Variants in EYS observed in about 807,000 individuals in gnomAD.
EYS encodes protein eyes shut homolog.
In EYS, 250 loss-of-function variants were observed where a neutral mutation model predicts 282.1. That is an observed-to-expected ratio of 0.89 (90% CI 0.80 to 0.98). The LOEUF (loss-of-function observed/expected upper bound fraction) is 0.98, where lower values mean the gene tolerates loss of function less well. EYS is among the 50% of genes least tolerant of loss of function. The pLI is 0.00. For synonymous variants in EYS, 1,355 were observed against 1,282.9 expected, an observed-to-expected ratio of 1.06 and a Z score of -1.20; for missense variants, 4,016 against 3,709.0, an observed-to-expected ratio of 1.08 and a Z score of -2.15.
intron 22 of EYS, among the ~76,000 whole-genome samples, chr6:64,715,092 G>A (rs1771343122): frequency 6.6e-6 from 1 of 151,984 alleles, no homozygotes; most frequent in Non-Finnish European, 1.5e-5. Flanking sequence ...TGGACTGGGG[G>A]TGAGATATGG....
chr6:65,552,684 A>C (rs962107673), intron 2 of EYS, among the ~76,000 whole-genome samples: 4 of 152,142 alleles, frequency 2.6e-5, no homozygotes, highest in African/African-American at 4.8e-5. Context: ...CAAATGGATA[A>C]GATGTTTATG....
At chr6:63,739,765 C>G (rs958729723) in intron 41 of EYS, among the ~76,000 whole-genome samples, 2 of 152,026 alleles carry the variant, frequency 1.3e-5, no homozygotes, top group African/African-American at 4.8e-5. Flanking sequence ...GTGATCTTGG[C>G]TCACTGCAAC....
intron 19 of EYS, among the ~76,000 whole-genome samples, chr6:64,868,162 A>G (rs1766482915): frequency 6.6e-6 from 1 of 151,426 alleles, no homozygotes; most frequent in Admixed American, 6.6e-5. Flanking sequence ...AATCACTTCA[A>G]GTCTTCTGAT....
chr6:64,236,167 G>T (rs1325488594), intron 30 of EYS, among the ~76,000 whole-genome samples: 1 of 152,126 alleles, frequency 6.6e-6, no homozygotes, highest in African/African-American at 2.4e-5. Flanking sequence ...TAGAGACGGG[G>T]TTTCACCATG....
chr6:64,171,734 T>G (rs538968172), intron 31 of EYS, among the ~76,000 whole-genome samples: 2 of 152,192 alleles, frequency 1.3e-5, no homozygotes, highest in South Asian at 4.1e-4. Flanking sequence ...TAAAAAAAAG[T>G]TTTAGATGGG....
intron 31 of EYS, among the ~76,000 whole-genome samples, chr6:64,144,703 A>G (rs1361792146): frequency 6.6e-6 from 1 of 152,150 alleles, no homozygotes; most frequent in Non-Finnish European, 1.5e-5. Flanking sequence ...CTGGGTCCTC[A>G]CACTACAGCC....
At chr6:64,040,256 G>A (rs1333117113) in intron 33 of EYS, among the ~76,000 whole-genome samples, 1 of 152,108 alleles carries the variant, frequency 6.6e-6, no homozygotes, top group African/African-American at 2.4e-5. Flanking sequence ...TTGTGCTTGT[G>A]GTAATGTGGT....
intron 13 of EYS, among the ~76,000 whole-genome samples, chr6:65,015,975 G>A (rs1219217592): frequency 2.7e-5 from 4 of 150,774 alleles, no homozygotes; most frequent in Non-Finnish European, 5.9e-5. Flanking sequence ...AACCCAGGAG[G>A]CAGATGTTGC....
intron 11 of EYS, among the ~76,000 whole-genome samples, chr6:65,333,279 T>A (rs931659279): frequency 6.6e-6 from 1 of 151,630 alleles, no homozygotes; most frequent in African/African-American, 2.4e-5. Flanking sequence ...CTCTTGCAAT[T>A]TCACTTTGAT....
chr6:64,940,729 C>A (rs1186011150), intron 15 of EYS, among the ~76,000 whole-genome samples: 2 of 151,844 alleles, frequency 1.3e-5, no homozygotes, highest in African/African-American at 4.8e-5. Flanking sequence ...AGTATCTATG[C>A]CATTATTGCC....
chr6:65,271,128 T>TTATATATATATATATATA (rs70999188), intron 12 of EYS, among the ~76,000 whole-genome samples: 9,193 of 55,170 alleles, frequency 0.17, 2,076 homozygotes, highest in East Asian at 0.23. Context: ...AATCAATAGA[T>TTATATATATATATATATA]TATATATATA....
chr6:65,403,939 A>C (rs1766615194), intron 6 of EYS, among the ~76,000 whole-genome samples: 1 of 152,102 alleles, frequency 6.6e-6, no homozygotes, highest in Non-Finnish European at 1.5e-5. Context: ...TTTATATAAC[A>C]ACTTTTTATT....
chr6:65,376,149 G>A (rs1370366100), intron 8 of EYS, among the ~76,000 whole-genome samples: 4 of 152,046 alleles, frequency 2.6e-5, no homozygotes, highest in Non-Finnish European at 2.9e-5. Context: ...ACCTACAAAG[G>A]GTAGCCCATC....
intron 33 of EYS, among the ~76,000 whole-genome samples, chr6:64,064,352 G>C (rs1052843843): frequency 3.3e-5 from 5 of 152,024 alleles, no homozygotes; most frequent in Non-Finnish European, 7.4e-5. Flanking sequence ...AGGAGAAACA[G>C]AAAAATGAGA....
intron 1 of EYS, among the ~76,000 whole-genome samples, chr6:65,647,497 C>A (rs1767492836): frequency 6.6e-6 from 1 of 152,136 alleles, no homozygotes; most frequent in African/African-American, 2.4e-5. Flanking sequence ...TCATCTCTCA[C>A]CTTATATAAA....
At chr6:64,432,008 A>T (rs565997353) in intron 28 of EYS, among the ~76,000 whole-genome samples, 24 of 152,104 alleles carry the variant, frequency 1.6e-4, no homozygotes, top group Non-Finnish European at 3.1e-4. Context: ...TTTGTAATTT[A>T]TTGCATGTCT....
chr6:64,133,180 C>T (rs1228775184), intron 31 of EYS, among the ~76,000 whole-genome samples: 1 of 151,386 alleles, frequency 6.6e-6, no homozygotes, highest in Non-Finnish European at 1.5e-5. Flanking sequence ...TTTTTTTCCT[C>T]ATATTAACTT....
chr6:64,787,293 T>C (rs1056529423), intron 22 of EYS, among the ~76,000 whole-genome samples: 1 of 152,196 alleles, frequency 6.6e-6, no homozygotes, highest in African/African-American at 2.4e-5. Context: ...ATATTTTGGA[T>C]TCATTATTTG....
chr6:65,208,380 G>C (rs1562023166), intron 12 of EYS, among the ~76,000 whole-genome samples: 1 of 151,892 alleles, frequency 6.6e-6, no homozygotes, highest in East Asian at 1.9e-4. Context: ...AACTTCTATG[G>C]AAAATAGTGT....
Sources: allele counts gnomAD v4.1 joint callset (sites outside exome capture counted in the v4.1 genomes callset), GRCh38; gene constraint gnomAD v4.1.1; transcripts MANE v1.5; gene names NCBI Gene and HGNC (gene_info 2026-07-23, HGNC 2026-07-21).